Variants in CDH18 observed in about 807,000 individuals in gnomAD.
The protein encoded by CDH18 is cadherin-18.
A neutral mutation model predicts 67.9 loss-of-function variants in CDH18; 31 were observed. The ratio of observed to expected loss-of-function variants is 0.46; its 90% CI spans 0.34 to 0.62. The LOEUF is 0.62. Among genes scored for constraint, CDH18 ranks in the 20% least tolerant of loss-of-function variants. The pLI is 0.01. For synonymous variants in CDH18, 362 were observed against 347.2 expected (o/e 1.04, Z -0.48); for missense variants, 890 against 975.5 (o/e 0.91, Z 1.17).
chr5:20,443,178 C>G (rs1027524839), intron 1 of CDH18, among the ~76,000 whole-genome samples: 11 of 122,612 alleles, frequency 9.0e-5, no homozygotes, highest in South Asian at 5.8e-4. Context: ...CCACTGCACT[C>G]CAGCCTGGGT....
chr5:19,490,293 G>A (rs1741193640), intron 11 of CDH18, among the ~76,000 whole-genome samples: 1 of 149,524 alleles, frequency 6.7e-6, no homozygotes, highest in African/African-American at 2.5e-5. Flanking sequence ...AAGAATTAAA[G>A]CAGAAGAATG....
At chr5:20,085,884 A>G (rs1744907966) in intron 2 of CDH18, among the ~76,000 whole-genome samples, 2 of 152,362 alleles carry the variant, frequency 1.3e-5, no homozygotes, top group East Asian at 3.9e-4. Context: ...CATACTAATT[A>G]GTAATCCTAA....
At chr5:20,080,429 G>C (rs528569740) in intron 2 of CDH18, among the ~76,000 whole-genome samples, 291 of 152,224 alleles carry the variant, frequency 1.9e-3, no homozygotes, top group African/African-American at 6.6e-3. Context: ...TACAAGTATA[G>C]TCAACTGAGT....
chr5:20,247,701 T>G (rs894958721), intron 2 of CDH18, among the ~76,000 whole-genome samples: 2 of 150,910 alleles, frequency 1.3e-5, no homozygotes, highest in Non-Finnish European at 2.9e-5. Flanking sequence ...GAGGCAGAGG[T>G]TGCAGTGAGC....
intron 5 of CDH18, among the ~76,000 whole-genome samples, chr5:19,621,643 G>C (rs1050360207): frequency 1.3e-5 from 2 of 152,082 alleles, no homozygotes; most frequent in African/African-American, 4.8e-5. Flanking sequence ...GTCAAGAATA[G>C]AATAAATGGT....
chr5:20,519,579 C>A (rs1035767658), intron 1 of CDH18, among the ~76,000 whole-genome samples: 1 of 151,846 alleles, frequency 6.6e-6, no homozygotes, highest in Non-Finnish European at 1.5e-5. Flanking sequence ...ATGTAACAAA[C>A]CCGCACATTG....
intron 2 of CDH18, among the ~76,000 whole-genome samples, chr5:20,124,840 G>T (rs1329867841): frequency 2.6e-5 from 4 of 152,192 alleles, no homozygotes; most frequent in Non-Finnish European, 5.9e-5. Flanking sequence ...GAGCTTGGTT[G>T]ATGACTATAT....
intron 2 of CDH18, among the ~76,000 whole-genome samples, chr5:20,010,810 C>T (rs1737373903): frequency 6.6e-6 from 1 of 152,056 alleles, no homozygotes; most frequent in Non-Finnish European, 1.5e-5. Flanking sequence ...CAAATTTAGG[C>T]AATCTTGTCA....
At chr5:19,937,067 A>G (rs1442957227) in intron 2 of CDH18, among the ~76,000 whole-genome samples, 1 of 151,366 alleles carries the variant, frequency 6.6e-6, no homozygotes, top group Non-Finnish European at 1.5e-5. Context: ...TTGAAAACCA[A>G]TGTTATAAAT....
chr5:20,506,777 C>G (rs1754687898), intron 1 of CDH18, among the ~76,000 whole-genome samples: 1 of 152,028 alleles, frequency 6.6e-6, no homozygotes, highest in Non-Finnish European at 1.5e-5. Flanking sequence ...TATTTCTTAC[C>G]CTAGAGTTGT....
At chr5:19,510,527 G>A (rs1373045798) in intron 10 of CDH18, among the ~76,000 whole-genome samples, 1 of 152,164 alleles carries the variant, frequency 6.6e-6, no homozygotes, top group Non-Finnish European at 1.5e-5. Context: ...GTAGCTAAAT[G>A]TATAGTGTTT....
chr5:19,779,792 C>T (rs749427925), intron 3 of CDH18, among the ~76,000 whole-genome samples: 32 of 152,008 alleles, frequency 2.1e-4, no homozygotes, highest in Non-Finnish European at 4.6e-4. Context: ...CAACAGTTGG[C>T]GATGAGACTT....
intron 5 of CDH18, among the ~76,000 whole-genome samples, chr5:19,656,348 A>AT (rs1018878101): frequency 1.3e-5 from 2 of 151,882 alleles, no homozygotes; most frequent in African/African-American, 4.8e-5. Flanking sequence ...TTTTTAAATC[A>AT]TTTTTTTCTT....
chr5:20,206,696 C>A (rs139145949), intron 2 of CDH18, among the ~76,000 whole-genome samples: 1,693 of 151,652 alleles, frequency 0.011, 32 homozygotes, highest in African/African-American at 0.039. Flanking sequence ...ATGATTTAAC[C>A]TACAAAAATC....
At chr5:20,554,224 G>A (rs1178875271) in intron 1 of CDH18, among the ~76,000 whole-genome samples, 1 of 152,166 alleles carries the variant, frequency 6.6e-6, no homozygotes, top group Non-Finnish European at 1.5e-5. Flanking sequence ...GCTCGAATGT[G>A]TGGCCATGTT....
At chr5:20,220,024 T>A (rs2126442822) in intron 2 of CDH18, among the ~76,000 whole-genome samples, 1 of 152,042 alleles carries the variant, frequency 6.6e-6, no homozygotes, top group Non-Finnish European at 1.5e-5. Context: ...TTGGAAGAGT[T>A]AATATTGTTA....
At chr5:19,912,172 A>G (rs1791221788) in intron 2 of CDH18, among the ~76,000 whole-genome samples, 1 of 138,340 alleles carries the variant, frequency 7.2e-6, no homozygotes. Context: ...TTTAGCTATT[A>G]ACAATAATAA....
chr5:20,438,953 C>G (rs766078016), intron 1 of CDH18, among the ~76,000 whole-genome samples: 2 of 151,290 alleles, frequency 1.3e-5, no homozygotes, highest in Admixed American at 6.6e-5. Context: ...AAGTTCCATG[C>G]CTTTTTAAAA....
chr5:20,219,437 G>A (rs1741040423), intron 2 of CDH18, among the ~76,000 whole-genome samples: 1 of 149,122 alleles, frequency 6.7e-6, no homozygotes, highest in East Asian at 2.0e-4. Context: ...AAACTATTCA[G>A]AAAAATAGCA....
Sources: gnomAD v4.1 joint callset for allele counts (sites outside exome capture counted in the v4.1 genomes callset) on GRCh38, gnomAD v4.1.1 for gene constraint, MANE v1.5 for transcripts, NCBI Gene and HGNC (gene_info 2026-07-23, HGNC 2026-07-21) for gene names.